Variants in GPATCH2 observed in about 807,000 individuals in gnomAD.
The protein encoded by GPATCH2 is G patch domain-containing protein 2.
A neutral mutation model predicts 58.0 loss-of-function variants in GPATCH2; 51 were observed. The observed-to-expected ratio is 0.88, with a 90% CI of 0.70 to 1.11. The LOEUF (loss-of-function observed/expected upper bound fraction) is 1.11, where lower values mean the gene tolerates loss of function less well. Among genes scored for constraint, GPATCH2 ranks in the 50% most tolerant of loss-of-function variants. The pLI is 0.00. For missense variants in GPATCH2, 625 were observed against 652.2 expected, an observed-to-expected ratio of 0.96 and a Z score of 0.45; for synonymous variants, 222 against 218.5, an observed-to-expected ratio of 1.02 and a Z score of -0.14.
In GPATCH2 at chr1:217,449,343, A is replaced by C; in HGVS notation, c.1278-6T>G. ...CTAAATGCATGCTTGTTTGCCTACG[A>C]ATAATTATCAGAAAAAACTATTAAC... On this transcript the variant is annotated splice_polypyrimidine_tract_variant and splice_region_variant and intron_variant, in intron 8 of 9. Coordinates refer to ENST00000366935, the MANE Select transcript of GPATCH2 (RefSeq NM_018040.5). 6.5e-7 allele frequency: 1 copy of C among 1,527,866 alleles called. No homozygotes were observed. Among genetic ancestry groups the C allele is most frequent in the South Asian group, 1.1e-5 (1 of 89,210 alleles). The allele number at this position is 1,527,866 out of a possible 1,614,324, so 94.6% of individuals were successfully genotyped here. A position where few individuals can be genotyped will look rare whatever the true frequency, so the allele number is the denominator to read the frequency against.
At chr1:217,454,347 T>A (rs1459086729) in intron 8 of GPATCH2, among the ~76,000 whole-genome samples, 1 of 152,044 alleles carries the variant, frequency 6.6e-6, no homozygotes, top group Non-Finnish European at 1.5e-5. Flanking sequence ...CCCAGCACCT[T>A]GGGAGGCTGA....
At chr1:217,590,002 G>C (rs888837186) in intron 5 of GPATCH2, among the ~76,000 whole-genome samples, 1 of 151,026 alleles carries the variant, frequency 6.6e-6, no homozygotes, top group Admixed American at 6.6e-5. Context: ...AGACCAAAGA[G>C]AAACTATGGT....
rs935305581 is a variant in GPATCH2, at chr1:217,430,264, A to G, written c.*881T>C. 6.6e-6 allele frequency: 1 copy of G among 152,186 alleles called. No individual in the cohort carries two copies. The highest frequency in any genetic ancestry group is 1.5e-5 in the Non-Finnish European group (1 of 68,032). The allele number at this position is 152,186 out of a possible 1,614,324, so 9.4% of individuals were successfully genotyped here. ...TCATGTAAATTGATTCAATATTGTA[A>G]TAAATTACTCCAATGATTAAAATTT... On this transcript the variant is annotated 3_prime_UTR_variant, in exon 10 of 10. Coordinates refer to ENST00000366935, the MANE Select transcript of GPATCH2 (RefSeq NM_018040.5).
intron 5 of GPATCH2, among the ~76,000 whole-genome samples, chr1:217,542,190 A>G (rs1664778411): frequency 6.6e-6 from 1 of 152,170 alleles, no homozygotes; most frequent in Admixed American, 6.5e-5. Flanking sequence ...GACAGTGTCT[A>G]TTCCTTCTAC....
At chr1:217,586,267 T>C (rs1270486869) in intron 5 of GPATCH2, among the ~76,000 whole-genome samples, 1 of 152,250 alleles carries the variant, frequency 6.6e-6, no homozygotes, top group Non-Finnish European at 1.5e-5. Flanking sequence ...TTTTTGACTC[T>C]TGTAATAACA....
chr1:217,529,043 C>G (rs994306650), intron 5 of GPATCH2, among the ~76,000 whole-genome samples: 2 of 152,126 alleles, frequency 1.3e-5, no homozygotes, highest in Non-Finnish European at 2.9e-5. Flanking sequence ...ATTGGACAGA[C>G]AGATGATGCA....
intron 1 of GPATCH2, among the ~76,000 whole-genome samples, chr1:217,626,667 A>G (rs962840200): frequency 5.3e-5 from 8 of 152,172 alleles, no homozygotes; most frequent in African/African-American, 1.9e-4. Context: ...TATTCATCAA[A>G]TAAGTCCTTA....
intron 5 of GPATCH2, among the ~76,000 whole-genome samples, chr1:217,565,905 C>T (rs979996127): frequency 1.3e-5 from 2 of 151,854 alleles, no homozygotes; most frequent in Admixed American, 1.3e-4. Context: ...AGTTCGAGAC[C>T]AGCCTGACCA....
At chr1:217,514,210 A>C (rs1663008593) in intron 6 of GPATCH2, among the ~76,000 whole-genome samples, 1 of 150,882 alleles carries the variant, frequency 6.6e-6, no homozygotes, top group Non-Finnish European at 1.5e-5. Context: ...CCCAGGCTGG[A>C]GTGCAGTGGC....
At chr1:217,579,169 C>G (rs1666943605) in intron 5 of GPATCH2, among the ~76,000 whole-genome samples, 1 of 152,040 alleles carries the variant, frequency 6.6e-6, no homozygotes, top group South Asian at 2.1e-4. Flanking sequence ...AGAAATACAG[C>G]TTAGTTTTTT....
At position 217,477,318 on chromosome 1, in the gene GPATCH2, CTCTG is replaced by C. The variant is rs372791975; in HGVS notation, c.1277+14358_1277+14361del. 2.2e-3 allele frequency among the ~76,000 whole-genome samples: 337 copies of C among 152,220 alleles called. 2 individuals carry two copies. Among genetic ancestry groups the C allele is most frequent in the African/African-American group, 7.3e-3 (305 of 41,536 alleles). On this transcript the variant is annotated intron_variant, in intron 8 of 9. Coordinates refer to ENST00000366935, the MANE Select transcript of GPATCH2 (RefSeq NM_018040.5). The stretch of plus-strand genomic sequence containing the variant: ...CTCAGCACATTCCCAGCTGTGCTGA[CTCTG>C]TCTGCTTGAGAAAAGCAGAGGGAAA...
chr1:217,485,634 C>G (rs1273009056), intron 8 of GPATCH2, among the ~76,000 whole-genome samples: 2 of 152,044 alleles, frequency 1.3e-5, no homozygotes, highest in African/African-American at 4.8e-5. Context: ...TTTCTATCTT[C>G]ATATAAATGT....
At chr1:217,471,514 G>A (rs1016045412) in intron 8 of GPATCH2, among the ~76,000 whole-genome samples, 1 of 152,090 alleles carries the variant, frequency 6.6e-6, no homozygotes, top group African/African-American at 2.4e-5. Context: ...AAACATCTTT[G>A]GATCTTTAGA....
intron 5 of GPATCH2, among the ~76,000 whole-genome samples, chr1:217,521,512 G>A (rs1207121273): frequency 2.6e-5 from 4 of 152,054 alleles, no homozygotes; most frequent in Non-Finnish European, 5.9e-5. Context: ...GGTAGCATGC[G>A]GGCTATTTTA....
intron 6 of GPATCH2, among the ~76,000 whole-genome samples, chr1:217,503,259 A>T (rs920000530): frequency 2.0e-5 from 3 of 152,114 alleles, no homozygotes; most frequent in Admixed American, 6.6e-5. Flanking sequence ...GCCACTGGTG[A>T]ACTTTTCCAG....
At chr1:217,540,187 T>G (rs767499496) in intron 5 of GPATCH2, among the ~76,000 whole-genome samples, 12 of 152,140 alleles carry the variant, frequency 7.9e-5, no homozygotes, top group Non-Finnish European at 1.8e-4. Flanking sequence ...AAAGGGGTTC[T>G]AATGGTCTTT....
At chr1:217,447,872 C>T (rs531077177) in intron 9 of GPATCH2, among the ~76,000 whole-genome samples, 11 of 152,156 alleles carry the variant, frequency 7.2e-5, no homozygotes, top group South Asian at 4.2e-4. Flanking sequence ...CCGAGGTGGG[C>T]GGATCACCTG....
At chr1:217,545,094 T>C (rs1664967396) in intron 5 of GPATCH2, among the ~76,000 whole-genome samples, 1 of 152,182 alleles carries the variant, frequency 6.6e-6, no homozygotes, top group Admixed American at 6.5e-5. Flanking sequence ...CAACCAAAAC[T>C]CTGAACAGTG....
intron 5 of GPATCH2, among the ~76,000 whole-genome samples, chr1:217,588,274 G>T (rs539017372): frequency 6.6e-6 from 1 of 152,254 alleles, no homozygotes; most frequent in African/African-American, 2.4e-5. Flanking sequence ...AGACTCAACT[G>T]CTAAGAACTG....
Sources: allele counts gnomAD v4.1 joint callset (sites outside exome capture counted in the v4.1 genomes callset), GRCh38; gene constraint gnomAD v4.1.1; transcripts MANE v1.5; gene names NCBI Gene and HGNC (gene_info 2026-07-23, HGNC 2026-07-21).